The following KRT80 variants were observed in gnomAD, a reference collection of about 807,000 sequenced individuals.
KRT80 encodes the protein keratin, type II cytoskeletal 80.
In KRT80, 36 loss-of-function variants were observed where a neutral mutation model predicts 51.5. The observed-to-expected ratio is 0.70, with a 90% CI of 0.54 to 0.92. KRT80 has a LOEUF of 0.92. KRT80 is among the 40% of genes least tolerant of loss of function. KRT80 has a pLI of 0.00. For synonymous variants in KRT80, 235 were observed against 248.3 expected (o/e 0.95, Z 0.50); for missense variants, 566 against 591.7 (o/e 0.96, Z 0.45).
chr12:52,183,180 C>T (rs569929835), intron 2 of KRT80, among the ~76,000 whole-genome samples: 1 of 152,320 alleles, frequency 6.6e-6, no homozygotes, highest in South Asian at 2.1e-4. Flanking sequence ...GAGGGCTAGA[C>T]TGCTGATCCT....
intron 4 of KRT80, among the ~76,000 whole-genome samples, chr12:52,177,357 C>T (rs756701024): frequency 1.1e-4 from 16 of 152,134 alleles, no homozygotes; most frequent in Non-Finnish European, 1.3e-4. Context: ...GGACCTCCCT[C>T]GAGGTGTGCC....
chr12:52,175,702 A>G (rs963742492), intron 4 of KRT80, among the ~76,000 whole-genome samples: 1 of 152,012 alleles, frequency 6.6e-6, no homozygotes, highest in African/African-American at 2.4e-5. Flanking sequence ...CCCTGAACTC[A>G]GTGGCCAGCT....
In KRT80 at chr12:52,187,682, T is replaced by C. The variant is rs560355975; in HGVS notation, c.301-2095A>G. ...TGCTTGAAGCCAACCTTAATCCTGC[T>C]CTCTGCTGTACTCACAGCCAAACAG... On this transcript the variant is annotated intron_variant, in intron 1 of 8. Transcript: ENST00000394815. Among the ~76,000 whole-genome samples, 4 of 152,266 alleles carry C rather than the reference T, an allele frequency of 2.6e-5. No individual in the cohort carries two copies. The East Asian group carries it at 7.7e-4, about 29-fold the overall frequency.
chr12:52,190,457 A>C (rs1330966375), intron 1 of KRT80, among the ~76,000 whole-genome samples: 1 of 152,194 alleles, frequency 6.6e-6, no homozygotes, highest in East Asian at 1.9e-4. Flanking sequence ...TGCTCAATGC[A>C]TGTTACTTTC....
chr12:52,184,757 T>C (rs930757937), intron 2 of KRT80, among the ~76,000 whole-genome samples: 1 of 152,294 alleles, frequency 6.6e-6, no homozygotes. Flanking sequence ...CAGCAACTGT[T>C]TGTCTGTCTG....
intron 1 of KRT80, among the ~76,000 whole-genome samples, chr12:52,189,070 C>T (rs1941444998): frequency 6.6e-6 from 1 of 152,146 alleles, no homozygotes; most frequent in Non-Finnish European, 1.5e-5. Flanking sequence ...TGTTCCAGGG[C>T]CTCTACCACC....
intron 1 of KRT80, among the ~76,000 whole-genome samples, chr12:52,190,969 A>T (rs888128357): frequency 2.0e-5 from 3 of 152,090 alleles, no homozygotes; most frequent in Admixed American, 2.0e-4. Context: ...TCCCGCAGTC[A>T]GGAGGGGCGC....
At chr12:52,174,545 C>A (rs2120881071) in intron 4 of KRT80, among the ~76,000 whole-genome samples, 1 of 152,394 alleles carries the variant, frequency 6.6e-6, no homozygotes, top group Admixed American at 6.5e-5. Flanking sequence ...TAAAACCCAC[C>A]ATTCCCTGAG....
At chr12:52,187,769 T>C (rs530293790) in intron 1 of KRT80, among the ~76,000 whole-genome samples, 12 of 152,220 alleles carry the variant, frequency 7.9e-5, no homozygotes, top group Admixed American at 4.6e-4. Context: ...AGAGGGAGCG[T>C]TGGGGGGGCA....
Position 52,172,422 on chromosome 12 carries a change from C to T in KRT80, c.958-4G>A, listed in dbSNP as rs761494367. ...TGTTCTCCTCCAGTTTCAGGCACTG[C>T]AGCCAGGAGGACAGAGTGAAAGGGC... On this transcript the variant is annotated splice_polypyrimidine_tract_variant and splice_region_variant and intron_variant, in intron 6 of 8. Transcript: ENST00000394815. 33 of 1,609,246 alleles carry T rather than the reference C, an allele frequency of 2.1e-5. No homozygotes were observed. The highest frequency in any genetic ancestry group is 3.3e-5 in the Admixed American group (2 of 59,888).
At chr12:52,179,844 C>T (rs985978464) in intron 4 of KRT80, among the ~76,000 whole-genome samples, 4 of 152,212 alleles carry the variant, frequency 2.6e-5, no homozygotes, top group African/African-American at 9.6e-5. Context: ...ACCCCTGAAC[C>T]TCCTCACCCT....
In KRT80 at chr12:52,172,231, G is replaced by A. The variant is rs757221140; in HGVS notation, c.1145C>T (p.Thr382Ile). Residue 382 changes from threonine (T) to isoleucine (I), a missense_variant, in exon 7 of 9, where the codon ACC becomes ATC. Coordinates refer to ENST00000394815, the MANE Select transcript of KRT80 (RefSeq NM_182507.3). Reference sequence around the variant, plus strand: ...CTCGCCCTCCACCAGCTTCCTGTAGGTGGCGATCTCGATGTCCAGGGCCAG... The same window carrying A: ...CTCGCCCTCCACCAGCTTCCTGTAGATGGCGATCTCGATGTCCAGGGCCAG... Reference protein sequence around the residue: ...VKLALDIEIATYRKLVEGEEG... With the variant: ...VKLALDIEIAIYRKLVEGEEG... 1 of 1,613,936 alleles carries A rather than the reference G, an allele frequency of 6.2e-7. No individual in the cohort carries two copies. The highest frequency in any genetic ancestry group is 8.5e-7 in the Non-Finnish European group (1 of 1,180,012).
chr12:52,181,616 G>A (rs149593548), intron 2 of KRT80, among the ~76,000 whole-genome samples: 46 of 152,306 alleles, frequency 3.0e-4, no homozygotes, highest in African/African-American at 9.9e-4. Context: ...CACCCCTGAC[G>A]CAGTTGACAG....
intron 1 of KRT80, 75 bp from the exon 2 acceptor site, chr12:52,185,662 G>T: frequency 6.4e-7 from 1 of 1,552,854 alleles, no homozygotes; most frequent in Non-Finnish European, 8.7e-7. Flanking sequence ...TGACCAGCAA[G>T]AGCCCACGGA....
At chr12:52,182,942 C>A (rs568564465) in intron 2 of KRT80, among the ~76,000 whole-genome samples, 1 of 152,314 alleles carries the variant, frequency 6.6e-6, no homozygotes, top group African/African-American at 2.4e-5. Flanking sequence ...TCATCTCCAG[C>A]CTTTGTGCCA....
rs778803660 is a variant in KRT80 at position 52,171,475 on chromosome 12, CCTT to C, written c.1279_1281del (p.Lys427del). ...ATTTTGATCACGGGGCCTTTGCTGC[CCTT>C]CTTCTTTCGGGAGGGGGCCTTGGAG... is the stretch of plus-strand genomic sequence containing the variant. On this transcript the variant is annotated inframe_deletion, in exon 9 of 9. Coordinates refer to ENST00000394815, the MANE Select transcript of KRT80 (RefSeq NM_182507.3). 2.5e-6 allele frequency: 4 copies of C among 1,613,038 alleles called. No individual in the cohort carries two copies. The highest frequency in any genetic ancestry group is 3.4e-6 in the Non-Finnish European group (4 of 1,179,540).
intron 1 of KRT80, among the ~76,000 whole-genome samples, chr12:52,190,295 G>A (rs946721133): frequency 3.3e-5 from 5 of 152,176 alleles, no homozygotes; most frequent in Admixed American, 2.6e-4. Context: ...ACCATTTGCT[G>A]GTTGTGTGAT....
At position 52,171,707 on chromosome 12, in the gene KRT80, G is replaced by A; in HGVS notation, c.1185C>T (p.Asp395=). The part of the protein sequence containing the change: ...KLVEGEEGRM[D]SPSATVVSAV... ...CGCTGACCACAGTGGCTGAGGGCGA[G>A]TCCATCCTGGGGGTGGGGGACGGGG... is the stretch of plus-strand genomic sequence containing the variant. The change falls in exon 8 of 9, where the codon GAC becomes GAT. Residue 395 remains aspartate (D), a synonymous_variant. Coordinates refer to ENST00000394815, the MANE Select transcript of KRT80 (RefSeq NM_182507.3). 1 of 1,044,684 alleles carries A rather than the reference G, an allele frequency of 9.6e-7. No individual in the cohort carries two copies. The highest frequency in any genetic ancestry group is 1.4e-6 in the Non-Finnish European group (1 of 738,454). 64.7% of individuals were successfully genotyped at this position (1,044,684 alleles called of 1,614,324 possible).
Position 52,172,278 on chromosome 12 carries a change from G to T in KRT80, c.1098C>A (p.Tyr366Ter). The change falls in exon 7 of 9, where the codon TAC becomes TAA. Residue 366 changes from tyrosine to a stop codon, truncating the protein, a stop_gained. Transcript: ENST00000394815. LOFTEE classifies it high-confidence loss of function. Reference protein sequence around the residue: ...KQDMARQLRKYQELMNVKLAL... With the variant: ...KQDMARQLRK Reference sequence around the variant, plus strand: ...CCAGCTTGACGTTCATCAGCTCCTGGTACTTGCGCAGCTGCCGCGCCATGT... The same window carrying T: ...CCAGCTTGACGTTCATCAGCTCCTGTTACTTGCGCAGCTGCCGCGCCATGT... 6.2e-7 allele frequency: 1 copy of T among 1,613,996 alleles called. No homozygotes were observed. Among genetic ancestry groups the T allele is most frequent in the East Asian group, 2.2e-5 (1 of 44,876 alleles).
Sources: gnomAD v4.1 joint callset for allele counts (sites outside exome capture counted in the v4.1 genomes callset) on GRCh38, gnomAD v4.1.1 for gene constraint, MANE v1.5 for transcripts, NCBI Gene and HGNC (gene_info 2026-07-23, HGNC 2026-07-21) for gene names.